SDK1: variants seen among roughly 807,000 people sequenced by gnomAD.
SDK1 encodes the protein protein sidekick-1.
In SDK1, 157 loss-of-function variants were observed where a neutral mutation model predicts 245.5. The observed-to-expected ratio is 0.64, with a 90% CI of 0.56 to 0.73. The LOEUF is 0.73. SDK1 is among the 30% of genes least tolerant of loss of function. The pLI is 0.00. For missense variants in SDK1, 3,583 were observed against 3,002.3 expected, an observed-to-expected ratio of 1.19 and a Z score of -4.52; for synonymous variants, 1,647 against 1,278.5, an observed-to-expected ratio of 1.29 and a Z score of -6.15.
At chr7:3,430,533 C>T (rs1300359802) in intron 1 of SDK1, among the ~76,000 whole-genome samples, 1 of 152,180 alleles carries the variant, frequency 6.6e-6, no homozygotes, top group Admixed American at 6.5e-5. Flanking sequence ...TCGTCAGCTT[C>T]ATTCCTCTCT....
intron 42 of SDK1, among the ~76,000 whole-genome samples, chr7:4,238,297 C>T (rs1786309055): frequency 6.6e-6 from 1 of 151,854 alleles, no homozygotes; most frequent in Admixed American, 6.6e-5. Context: ...CCAGGCTGGT[C>T]TCGAAATCCT....
intron 5 of SDK1, among the ~76,000 whole-genome samples, chr7:3,847,057 CTT>C (rs796288879): frequency 2.1e-5 from 3 of 146,088 alleles, no homozygotes; most frequent in Admixed American, 6.9e-5. Context: ...AATCACGCTT[CTT>C]TTTTTTTTTG....
intron 4 of SDK1, among the ~76,000 whole-genome samples, chr7:3,800,387 T>G (rs1414825028): frequency 1.3e-5 from 2 of 151,832 alleles, no homozygotes; most frequent in Non-Finnish European, 2.9e-5. Context: ...ATTTATTTAT[T>G]TATTTATTTA....
chr7:3,322,832 TTGTCTC>T lies in SDK1; in HGVS notation c.298+20959_298+20964del, dbSNP rs1028026791. Reference sequence around the variant, plus strand: ...GCCCTTTTCCCCCACCCATAAGACCTTGTCTCTGTCTCTGTCGCCCAGGCTGGGGTG... The same window carrying T: ...GCCCTTTTCCCCCACCCATAAGACCTTGTCTCTGTCGCCCAGGCTGGGGTG... On this transcript the variant is annotated intron_variant, in intron 1 of 44. Transcript: ENST00000404826. Among the ~76,000 whole-genome samples the T allele has an allele frequency of 9.9e-5, 15 of 152,238 alleles. No homozygotes were observed. In the East Asian group the frequency reaches 2.1e-3, roughly 21 times the overall value.
chr7:3,554,487 TGAG>T (rs1415417742), intron 1 of SDK1, among the ~76,000 whole-genome samples: 3 of 152,128 alleles, frequency 2.0e-5, no homozygotes, highest in Admixed American at 1.3e-4. Flanking sequence ...ACATTAAAAA[TGAG>T]GAGAGATAGA....
At chr7:3,308,948 G>C (rs916321042) in intron 1 of SDK1, among the ~76,000 whole-genome samples, 9 of 152,068 alleles carry the variant, frequency 5.9e-5, no homozygotes, top group Non-Finnish European at 1.0e-4. Flanking sequence ...ATGGAAACTT[G>C]GGGAGCTCTG....
chr7:3,581,200 GCTAA>G (rs1282871132), intron 1 of SDK1, among the ~76,000 whole-genome samples: 5 of 152,090 alleles, frequency 3.3e-5, no homozygotes, highest in Admixed American at 6.6e-5. Context: ...GAAAATATTG[GCTAA>G]CTATGTATCT....
At chr7:3,849,149 T>A (rs1780355665) in intron 5 of SDK1, among the ~76,000 whole-genome samples, 1 of 152,166 alleles carries the variant, frequency 6.6e-6, no homozygotes, top group Non-Finnish European at 1.5e-5. Context: ...TCTCTCCAAA[T>A]GAATGCACCC....
rs115634835 is a variant in SDK1 at position 3,354,995 on chromosome 7, T to G, written c.298+53111T>G. On this transcript the variant is annotated intron_variant, in intron 1 of 44. Transcript: ENST00000404826. ...TGTCTGTGGGGAAGCTCTAATTATA[T>G]GATTATAATTAAGCTACAGTTTATT... Among the ~76,000 whole-genome samples, 687 of 152,350 alleles carry G rather than the reference T, an allele frequency of 4.5e-3. 8 individuals are homozygous for G. Among genetic ancestry groups the G allele is most frequent in the African/African-American group, 0.015 (630 of 41,590 alleles).
chr7:3,666,247 A>C (rs2568520), intron 4 of SDK1, among the ~76,000 whole-genome samples: 108,198 of 151,994 alleles, frequency 0.71, 39,014 homozygotes, highest in African/African-American at 0.84. Context: ...TGCCGCCTGC[A>C]TCTGGCCTTG....
In SDK1 at chr7:3,657,056, A is replaced by T. The variant is rs561816032; in HGVS notation, c.713+14951A>T. Among the ~76,000 whole-genome samples, 12 of 152,214 alleles carry T rather than the reference A, an allele frequency of 7.9e-5. No individual in the cohort carries two copies. In the South Asian group the frequency reaches 1.7e-3, roughly 21 times the overall value. ...GCCACCGCGCCCGGCCTTGGTGGAAATCTTGACTGTCAAAGTTACCTTCTC... is the reference window on the plus strand; with the variant it reads ...GCCACCGCGCCCGGCCTTGGTGGAATTCTTGACTGTCAAAGTTACCTTCTC... On this transcript the variant is annotated intron_variant, in intron 4 of 44. Transcript: ENST00000404826.
intron 1 of SDK1, among the ~76,000 whole-genome samples, chr7:3,616,474 C>T (rs377677186): frequency 2.6e-5 from 4 of 152,170 alleles, no homozygotes; most frequent in African/African-American, 7.2e-5. Flanking sequence ...CAAGGGTACT[C>T]GCCATGTTTG....
intron 4 of SDK1, among the ~76,000 whole-genome samples, chr7:3,658,112 C>T (rs1425336816): frequency 6.6e-6 from 1 of 152,174 alleles, no homozygotes; most frequent in East Asian, 1.9e-4. Flanking sequence ...GGTGATAACA[C>T]CCTGGCTTGC....
intron 1 of SDK1, among the ~76,000 whole-genome samples, chr7:3,611,615 A>G (rs772813251): frequency 5.9e-5 from 9 of 152,122 alleles, no homozygotes; most frequent in Non-Finnish European, 1.3e-4. Flanking sequence ...TCTTTAGGGA[A>G]TCTTCACACT....
At chr7:4,168,333 C>T (rs1388979776) in intron 32 of SDK1, among the ~76,000 whole-genome samples, 1 of 152,230 alleles carries the variant, frequency 6.6e-6, no homozygotes, top group Non-Finnish European at 1.5e-5. Flanking sequence ...TGGCCCCAGC[C>T]CGGTGGCTGA....
intron 4 of SDK1, among the ~76,000 whole-genome samples, chr7:3,650,722 C>T (rs11764113): frequency 6.6e-5 from 10 of 152,136 alleles, no homozygotes; most frequent in African/African-American, 2.2e-4. Flanking sequence ...TCATCCCCTT[C>T]TTAAGCCCTA....
At chr7:3,814,547 G>T (rs1432244828) in intron 4 of SDK1, among the ~76,000 whole-genome samples, 5 of 151,750 alleles carry the variant, frequency 3.3e-5, no homozygotes, top group Admixed American at 6.6e-5. Flanking sequence ...CAGGTAGTGT[G>T]ATGCCTCCAG....
At chr7:3,459,553 C>G (rs1024965966) in intron 1 of SDK1, among the ~76,000 whole-genome samples, 4 of 152,140 alleles carry the variant, frequency 2.6e-5, no homozygotes, top group Non-Finnish European at 5.9e-5. Context: ...TTTCCTGTTT[C>G]AAGAAGGAAG....
chr7:3,930,324 C>G (rs573703442), intron 5 of SDK1, among the ~76,000 whole-genome samples: 1 of 152,332 alleles, frequency 6.6e-6, no homozygotes, highest in African/African-American at 2.4e-5. Flanking sequence ...AGAGCCCTGG[C>G]TTCACCTGGG....
Sources: gnomAD v4.1 joint callset for allele counts (sites outside exome capture counted in the v4.1 genomes callset) on GRCh38, gnomAD v4.1.1 for gene constraint, MANE v1.5 for transcripts, NCBI Gene and HGNC (gene_info 2026-07-23, HGNC 2026-07-21) for gene names.